Variants in BTRC observed in about 807,000 individuals in gnomAD.
The protein encoded by BTRC is beta-transducin repeat containing E3 ubiquitin protein ligase.
Under a neutral mutation model 85.5 loss-of-function variants are expected in BTRC, and 42 were observed. The observed-to-expected ratio is 0.49, with a 90% CI of 0.38 to 0.64. The LOEUF (loss-of-function observed/expected upper bound fraction) is 0.64. Among genes scored for constraint, BTRC ranks in the 30% least tolerant of loss-of-function variants. BTRC has a pLI of 0.00. For missense variants in BTRC, 594 were observed against 743.5 expected (o/e 0.80, Z 2.34); for synonymous variants, 255 against 263.3 (o/e 0.97, Z 0.30).
At chr10:101,506,199 C>T (rs1377431352) in intron 4 of BTRC, among the ~76,000 whole-genome samples, 1 of 152,208 alleles carries the variant, frequency 6.6e-6, no homozygotes, top group African/African-American at 2.4e-5. Context: ...AGGCGTGAGC[C>T]ACCTGTAGTT....
chr10:101,547,040 G>T (rs2062568764), intron 13 of BTRC, among the ~76,000 whole-genome samples: 2 of 152,078 alleles, frequency 1.3e-5, no homozygotes, highest in Admixed American at 1.3e-4. Context: ...ACCAAAACCA[G>T]ACAAACACAA....
chr10:101,428,762 G>A (rs1391841111), intron 1 of BTRC, among the ~76,000 whole-genome samples: 1 of 152,192 alleles, frequency 6.6e-6, no homozygotes, highest in African/African-American at 2.4e-5. Context: ...TAAATAAAAT[G>A]AGGATAATAA....
intron 2 of BTRC, 47 bp from the exon 3 acceptor site, chr10:101,461,934 A>T: frequency 7.4e-7 from 1 of 1,352,362 alleles, no homozygotes; most frequent in African/African-American, 1.5e-5. Context: ...CCAAAGGATA[A>T]GATTGAAGAT....
chr10:101,454,982 A>T (rs1409447843), intron 2 of BTRC, among the ~76,000 whole-genome samples: 1 of 152,172 alleles, frequency 6.6e-6, no homozygotes, highest in Non-Finnish European at 1.5e-5. Flanking sequence ...AGCCACTAAA[A>T]ATATTTTAGG....
intron 2 of BTRC, among the ~76,000 whole-genome samples, chr10:101,434,916 T>C (rs1944488934): frequency 6.6e-6 from 1 of 152,028 alleles, no homozygotes; most frequent in Admixed American, 6.6e-5. Context: ...ATTACTGGCA[T>C]GAGCCACTGC....
At chr10:101,403,161 G>T (rs1943531463) in intron 1 of BTRC, among the ~76,000 whole-genome samples, 1 of 152,182 alleles carries the variant, frequency 6.6e-6, no homozygotes, top group South Asian at 2.1e-4. Flanking sequence ...CTTCTCTGGG[G>T]ACGATACACA....
chr10:101,502,271 A>C (rs1246474165), intron 4 of BTRC, among the ~76,000 whole-genome samples: 2 of 152,146 alleles, frequency 1.3e-5, no homozygotes, highest in Non-Finnish European at 2.9e-5. Context: ...TGGATTTTAA[A>C]AATTAGAGTA....
In BTRC at chr10:101,508,913, T is replaced by TAAAAAAA. The variant is rs59998718; in HGVS notation, c.325-12709_325-12703dup. 3.6e-4 allele frequency among the ~76,000 whole-genome samples: 37 copies of TAAAAAAA among 101,928 alleles called. 1 individual carries two copies. Among genetic ancestry groups the TAAAAAAA allele is most frequent in the African/African-American group, 5.0e-4 (14 of 28,122 alleles). The allele number at this position is 101,928 out of a possible 152,430, so 66.9% of individuals were successfully genotyped here. On this transcript the variant is annotated intron_variant, in intron 4 of 14. Coordinates refer to ENST00000370187, the MANE Select transcript of BTRC (RefSeq NM_033637.4). Reference sequence around the variant, plus strand: ...TGGGCAACAATGCAAGACTCCATCTTAAAAAAAAAAAAAAAAAAAAAAACT... The same window carrying TAAAAAAA: ...TGGGCAACAATGCAAGACTCCATCTTAAAAAAAAAAAAAAAAAAAAAAAAAAAAAACT...
chr10:101,515,744 C>A (rs1190354156), intron 4 of BTRC, among the ~76,000 whole-genome samples: 1 of 152,144 alleles, frequency 6.6e-6, no homozygotes, highest in East Asian at 1.9e-4. Flanking sequence ...ATCTCCTGAC[C>A]TCGTGATCCG....
intron 2 of BTRC, among the ~76,000 whole-genome samples, chr10:101,432,149 A>G (rs1262602627): frequency 2.9e-5 from 4 of 137,140 alleles, no homozygotes; most frequent in Non-Finnish European, 6.3e-5. Flanking sequence ...TTTTTTTTTG[A>G]GACAGTCTTG....
At chr10:101,366,778 ATATATATATATTTTTACATT>A (rs1942390613) in intron 1 of BTRC, among the ~76,000 whole-genome samples, 2 of 108,132 alleles carry the variant, frequency 1.8e-5, no homozygotes, top group Non-Finnish European at 3.6e-5. Context: ...ATATATATAT[ATATATATATATTTTTACATT>A]TATATATATA....
At chr10:101,387,938 C>G (rs1435885066) in intron 1 of BTRC, among the ~76,000 whole-genome samples, 1 of 152,044 alleles carries the variant, frequency 6.6e-6, no homozygotes, top group Admixed American at 6.6e-5. Flanking sequence ...GATCTGCCTG[C>G]CTCGGCCTCC....
chr10:101,466,919 C>T (rs1170892896), intron 3 of BTRC, among the ~76,000 whole-genome samples: 4 of 152,116 alleles, frequency 2.6e-5, no homozygotes, highest in Admixed American at 6.6e-5. Flanking sequence ...CAGTGAAGAA[C>T]TTAAATCAGC....
At chr10:101,533,119 C>G in intron 9 of BTRC, 49 bp downstream of exon 9, 7 of 1,362,772 alleles carry the variant, frequency 5.1e-6, no homozygotes, top group Non-Finnish European at 7.3e-6. Context: ...CAGCTCTGCT[C>G]TGTTCTTTGT....
chr10:101,541,305 G>T (rs1195194496), intron 13 of BTRC, among the ~76,000 whole-genome samples: 1 of 150,426 alleles, frequency 6.6e-6, no homozygotes, highest in Non-Finnish European at 1.5e-5. Flanking sequence ...TTTCACCCAG[G>T]CTGGAGTGCA....
At chr10:101,386,753 T>C (rs1012078846) in intron 1 of BTRC, among the ~76,000 whole-genome samples, 5 of 152,206 alleles carry the variant, frequency 3.3e-5, no homozygotes, top group African/African-American at 9.6e-5. Context: ...GTCTTTGTTT[T>C]GTTTGTGGTT....
chr10:101,405,224 A>G (rs955305129), intron 1 of BTRC, among the ~76,000 whole-genome samples: 13 of 151,860 alleles, frequency 8.6e-5, no homozygotes, highest in African/African-American at 2.7e-4. Context: ...CTGTTACTGC[A>G]TATGGGGCTA....
At chr10:101,516,782 C>T (rs141890106) in intron 4 of BTRC, among the ~76,000 whole-genome samples, 2 of 152,210 alleles carry the variant, frequency 1.3e-5, no homozygotes, top group Non-Finnish European at 2.9e-5. Context: ...AGCAATATCT[C>T]GTTTATTTAA....
intron 4 of BTRC, among the ~76,000 whole-genome samples, chr10:101,504,852 T>C (rs541661968): frequency 1.3e-4 from 19 of 151,996 alleles, no homozygotes; most frequent in African/African-American, 4.6e-4. Context: ...TCTGATCAAT[T>C]TGATATTATG....
Sources: gnomAD v4.1 joint callset for allele counts (sites outside exome capture counted in the v4.1 genomes callset) on GRCh38, gnomAD v4.1.1 for gene constraint, MANE v1.5 for transcripts, NCBI Gene and HGNC (gene_info 2026-07-23, HGNC 2026-07-21) for gene names.